The following NIBAN1 variants were observed in gnomAD, a reference collection of about 807,000 sequenced individuals.
The protein encoded by NIBAN1 is niban apoptosis regulator 1, also known as protein Niban 1.
In NIBAN1, 81 loss-of-function variants were observed where a neutral mutation model predicts 75.1. The observed-to-expected ratio is 1.08, with a 90% CI of 0.90 to 1.30. The LOEUF is 1.30. Ranked by LOEUF, NIBAN1 falls within the 50% of genes most tolerant of loss-of-function variation. The probability of loss-of-function intolerance (pLI) is 0.00; values close to 1 mark genes in which losing one functional copy is unlikely to be tolerated. For missense variants in NIBAN1, 1,133 were observed against 1,128.1 expected (o/e 1.00, Z -0.06); for synonymous variants, 436 against 424.8 (o/e 1.03, Z -0.32).
chr1:184,874,723 A>T (rs994875282), intron 5 of NIBAN1, among the ~76,000 whole-genome samples: 3 of 152,154 alleles, frequency 2.0e-5, no homozygotes, highest in Non-Finnish European at 4.4e-5. Flanking sequence ...ATTTGAATGT[A>T]CTTCTCTCAA....
chr1:184,928,398 G>A (rs1657735645), intron 1 of NIBAN1, among the ~76,000 whole-genome samples: 1 of 152,064 alleles, frequency 6.6e-6, no homozygotes, highest in Non-Finnish European at 1.5e-5. Context: ...TGGCTCCAAG[G>A]CCAGCACAGC....
chr1:184,802,010 G>A (rs918225645), intron 12 of NIBAN1, among the ~76,000 whole-genome samples: 5 of 152,132 alleles, frequency 3.3e-5, no homozygotes, highest in Admixed American at 3.3e-4. Flanking sequence ...CAGTTCCCCA[G>A]ACAATTCTAA....
chr1:184,922,905 G>A (rs537624626), intron 1 of NIBAN1, among the ~76,000 whole-genome samples: 12 of 152,230 alleles, frequency 7.9e-5, no homozygotes, highest in African/African-American at 2.9e-4. Flanking sequence ...AATCACGCCT[G>A]ATTTAACTTA....
At chr1:184,837,244 T>C (rs985519295) in intron 5 of NIBAN1, among the ~76,000 whole-genome samples, 2 of 152,154 alleles carry the variant, frequency 1.3e-5, no homozygotes, top group African/African-American at 4.8e-5. Flanking sequence ...AGAATCAAAA[T>C]GGTTTTTGGC....
At chr1:184,899,767 TC>T (rs1656897804) in intron 1 of NIBAN1, among the ~76,000 whole-genome samples, 1 of 150,326 alleles carries the variant, frequency 6.7e-6, no homozygotes, top group Non-Finnish European at 1.5e-5. Context: ...CAAATGATAA[TC>T]CCAGGTCTAT....
chr1:184,813,758 C>A (rs2135737), intron 9 of NIBAN1, among the ~76,000 whole-genome samples: 93,993 of 152,138 alleles, frequency 0.62, 30,894 homozygotes, highest in Middle Eastern at 0.76. Context: ...TCATAAGCTG[C>A]CACTATGACT....
intron 1 of NIBAN1, among the ~76,000 whole-genome samples, chr1:184,927,679 C>T (rs1351851531): frequency 6.6e-6 from 1 of 152,006 alleles, no homozygotes; most frequent in African/African-American, 2.4e-5. Context: ...TTGCTCAAGG[C>T]CTTAGGGCCC....
intron 1 of NIBAN1, among the ~76,000 whole-genome samples, chr1:184,962,834 C>G (rs1658685947): frequency 6.6e-6 from 1 of 152,008 alleles, no homozygotes; most frequent in Non-Finnish European, 1.5e-5. Context: ...GTCAAGAAAC[C>G]AGTAACTTAT....
intron 13 of NIBAN1, 110 bp from the exon 14 acceptor site, chr1:184,796,207 C>T (rs1558093599): frequency 2.5e-6 from 3 of 1,197,368 alleles, no homozygotes; most frequent in Non-Finnish European, 3.4e-6. Flanking sequence ...ACCCAGCTTA[C>T]ATCCAGGGAG....
At chr1:184,862,834 C>CTT (rs71101949) in intron 5 of NIBAN1, among the ~76,000 whole-genome samples, 130 of 148,428 alleles carry the variant, frequency 8.8e-4, no homozygotes, top group East Asian at 6.5e-3. Flanking sequence ...TTTTTCTTTT[C>CTT]TTTTTTTTTT....
intron 1 of NIBAN1, among the ~76,000 whole-genome samples, chr1:184,904,297 G>T (rs1195970785): frequency 6.6e-6 from 1 of 152,032 alleles, no homozygotes; most frequent in African/African-American, 2.4e-5. Flanking sequence ...CATAGTGCTG[G>T]GATTACAGGC....
intron 1 of NIBAN1, among the ~76,000 whole-genome samples, chr1:184,969,707 T>A (rs1370650003): frequency 2.6e-5 from 4 of 151,554 alleles, no homozygotes; most frequent in Admixed American, 6.6e-5. Flanking sequence ...TTTTTTTTTT[T>A]TAAAGAGAGA....
intron 1 of NIBAN1, among the ~76,000 whole-genome samples, chr1:184,955,798 G>T (rs1658474040): frequency 6.6e-6 from 1 of 152,182 alleles, no homozygotes; most frequent in East Asian, 1.9e-4. Flanking sequence ...CTTTTGACAG[G>T]AATTGCCAAT....
chr1:184,857,108 A>G (rs2102271005), intron 5 of NIBAN1, among the ~76,000 whole-genome samples: 1 of 152,348 alleles, frequency 6.6e-6, no homozygotes, highest in Middle Eastern at 3.4e-3. Flanking sequence ...CTTAATTTAT[A>G]TTAGGTGCAG....
chr1:184,937,145 CTTTTTTTTTTTT>C (rs138240427), intron 1 of NIBAN1, among the ~76,000 whole-genome samples: 2 of 92,126 alleles, frequency 2.2e-5, no homozygotes, highest in African/African-American at 4.3e-5. Flanking sequence ...TAGCTGGATT[CTTTTTTTTTTTT>C]TTTTTTTTTT....
intron 4 of NIBAN1, chr1:184,888,073 C>T (rs1027761667): frequency 6.6e-6 from 1 of 152,148 alleles, no homozygotes; most frequent in Non-Finnish European, 1.5e-5. Flanking sequence ...GCTGTGGTCC[C>T]AGCAACTCGA....
chr1:184,840,956 AGTGTGT>A (rs57091998), intron 5 of NIBAN1, among the ~76,000 whole-genome samples: 4 of 147,974 alleles, frequency 2.7e-5, no homozygotes, highest in African/African-American at 7.5e-5. Flanking sequence ...AAAGAGTGTG[AGTGTGT>A]GTGTGTGTGT....
rs144084841 is a variant in NIBAN1, at chr1:184,794,504, T to C, written c.*473A>G. 35 of 242,302 alleles carry C rather than the reference T, an allele frequency of 1.4e-4. No homozygotes were observed. The highest frequency in any genetic ancestry group is 2.5e-4 in the Non-Finnish European group (31 of 122,794). 15.0% of individuals were successfully genotyped at this position (242,302 alleles called of 1,614,324 possible). A position where few individuals can be genotyped will look rare whatever the true frequency, so the allele number is the denominator to read the frequency against. ...CCTACCCTCTCTTGCAGTCTGACTG[T>C]GGACAAATGCCGAGTCCTTAAGAGA... On this transcript the variant is annotated 3_prime_UTR_variant, in exon 14 of 14. Coordinates refer to ENST00000367511, the MANE Select transcript of NIBAN1 (RefSeq NM_052966.4).
At chr1:184,797,303 C>A (rs1364555212) in intron 13 of NIBAN1, among the ~76,000 whole-genome samples, 1 of 151,964 alleles carries the variant, frequency 6.6e-6, no homozygotes, top group Non-Finnish European at 1.5e-5. Flanking sequence ...CCATGCCCAG[C>A]TAATTTTTTA....
Sources: allele counts gnomAD v4.1 joint callset (sites outside exome capture counted in the v4.1 genomes callset), GRCh38; gene constraint gnomAD v4.1.1; transcripts MANE v1.5; gene names NCBI Gene and HGNC (gene_info 2026-07-23, HGNC 2026-07-21).